Variants in NFIX observed in about 807,000 individuals in gnomAD.
NFIX encodes nuclear factor I X.
A neutral mutation model predicts 53.3 loss-of-function variants in NFIX; 2 were observed. The observed-to-expected ratio is 0.04, with a 90% CI of 0.02 to 0.12. NFIX has a LOEUF of 0.12. NFIX is among the 10% of genes least tolerant of loss of function. The pLI is 1.00. For missense variants in NFIX, 310 were observed against 674.5 expected (o/e 0.46, Z 5.99); for synonymous variants, 244 against 289.0 (o/e 0.84, Z 1.58).
chr19:13,073,435 C>T lies in NFIX; in HGVS notation c.636C>T (p.Phe212=), dbSNP rs1599843617. ...IKPLPNGHLS[F]QDCFVTSGVW... is the part of the protein sequence containing the mutation. ...TCCCCTCTTCAGGGCACTTAAGTTT[C>T]CAGGACTGTTTTGTGACTTCCGGGG... Residue 212 remains phenylalanine, a synonymous_variant, in exon 4 of 11, where the codon TTC becomes TTT. Coordinates refer to ENST00000592199, the MANE Select transcript of NFIX (RefSeq NM_001365902.3). This position sits in a 1 kb window ranked among gnomAD's most constrained non-coding sequence, Gnocchi z 4.5. 3 of 1,613,972 alleles carry T rather than the reference C, an allele frequency of 1.9e-6. No individual in the cohort carries two copies. Among genetic ancestry groups the T allele is most frequent in the Middle Eastern group, 1.6e-4 (1 of 6,062 alleles).
chr19:13,094,950 A>C lies in NFIX; in HGVS notation c.*301A>C. The C allele has an allele frequency of 5.3e-6, 2 of 376,290 alleles. No individual in the cohort carries two copies. The highest frequency in any genetic ancestry group is 4.5e-5 in the East Asian group (1 of 22,200). 23.3% of individuals were successfully genotyped at this position (376,290 alleles called of 1,614,324 possible). The stretch of plus-strand genomic sequence containing the variant: ...AGTAGAGGACAGAAAGCAAGAAAGG[A>C]TGCAGAACTGCCTTCCTCCCCCTGA... On this transcript the variant is annotated 3_prime_UTR_variant, in exon 11 of 11. Coordinates refer to ENST00000592199, the MANE Select transcript of NFIX (RefSeq NM_001365902.3). The surrounding 1 kb of genome is among the most constrained non-coding windows in gnomAD (Gnocchi z 4.3).
rs1026075706 is a variant in NFIX, at chr19:13,088,997, G to T, written c.1402+861G>T. Among the ~76,000 whole-genome samples, 3 of 152,028 alleles carry T rather than the reference G, an allele frequency of 2.0e-5. No homozygotes were observed. The highest frequency in any genetic ancestry group is 7.2e-5 in the African/African-American group (3 of 41,396). Reference sequence around the variant, plus strand: ...GTGGGCCAGGGTGGGCAGCTCTGGGGGTGGGCAGGCCACAGGCCAGGGCAG... The same window carrying T: ...GTGGGCCAGGGTGGGCAGCTCTGGGTGTGGGCAGGCCACAGGCCAGGGCAG... On this transcript the variant is annotated intron_variant, in intron 9 of 10. Coordinates refer to ENST00000592199, the MANE Select transcript of NFIX (RefSeq NM_001365902.3). The surrounding 1 kb of genome is among the most constrained non-coding windows in gnomAD (Gnocchi z 5.9).
In NFIX at chr19:13,088,117, C is replaced by G. The variant is rs1372561622; in HGVS notation, c.1383C>G (p.Ala461=). ...KSTSTAPDGA[A]LTPPSPSFAT... is the part of the protein sequence containing the mutation. ...CCAGCACTGCCCCAGACGGCGCCGC[C>G]TTGACTCCTCCATCACCTTGTAAGT... The change falls in exon 9 of 11, where the codon GCC becomes GCG. Residue 461 remains alanine (A), a synonymous_variant. Coordinates refer to ENST00000592199, the MANE Select transcript of NFIX (RefSeq NM_001365902.3). This position sits in a 1 kb window ranked among gnomAD's most constrained non-coding sequence, Gnocchi z 5.9. 1 of 1,536,528 alleles carries G rather than the reference C, an allele frequency of 6.5e-7. No individual in the cohort carries two copies. Among genetic ancestry groups the G allele is most frequent in the Non-Finnish European group, 8.7e-7 (1 of 1,147,004 alleles).
rs975648106 is a variant in NFIX at position 13,060,783 on chromosome 19, G to A, written c.560-12264G>A. On this transcript the variant is annotated intron_variant, in intron 2 of 10. Transcript: ENST00000592199. The surrounding 1 kb of genome is among the most constrained non-coding windows in gnomAD (Gnocchi z 4.3). The stretch of plus-strand genomic sequence containing the variant: ...GGGATGGGGGGGTCGGCCTCACCTC[G>A]GCTAACCTCCCAGCGGAACAAAGGG... Among the ~76,000 whole-genome samples, 17 of 151,984 alleles carry A rather than the reference G, an allele frequency of 1.1e-4. No homozygotes were observed. In the East Asian group the frequency reaches 2.7e-3, roughly 24 times the overall value.
At chr19:13,038,719 C>G (rs2014389215) in intron 2 of NFIX, among the ~76,000 whole-genome samples, 1 of 152,210 alleles carries the variant, frequency 6.6e-6, no homozygotes, top group Non-Finnish European at 1.5e-5. Flanking sequence ...TGGCCTTGAC[C>G]ACATGCATAG....
At chr19:13,061,322 G>C (rs759326196) in intron 2 of NFIX, among the ~76,000 whole-genome samples, 1 of 152,224 alleles carries the variant, frequency 6.6e-6, no homozygotes, top group Admixed American at 6.5e-5. Context: ...CATATCACGG[G>C]ATGTGTTTGG....
Position 13,001,722 on chromosome 19 carries a change from G to A in NFIX, c.27+5858G>A, listed in dbSNP as rs186012038. ...CACTGTGCCTCCTGAGCTTGTCCCC[G>A]TGACAATCACTGTGGGTCTCACCCC... On this transcript the variant is annotated intron_variant, in intron 1 of 10. Transcript: ENST00000592199. The surrounding 1 kb of genome is among the most constrained non-coding windows in gnomAD (Gnocchi z 6.5). Among the ~76,000 whole-genome samples the A allele has an allele frequency of 1.9e-3, 287 of 152,262 alleles. No homozygotes were observed. Among genetic ancestry groups the A allele is most frequent in the African/African-American group, 6.6e-3 (274 of 41,556 alleles).
chr19:13,024,487 T>G, intron 1 of NFIX: 3 of 1,486,870 alleles, frequency 2.0e-6, no homozygotes, highest in Non-Finnish European at 1.8e-6. Context: ...GGATGTCATT[T>G]TCTGTCTTCT....
In NFIX at chr19:13,073,058, T is replaced by C. The variant is rs769397519; in HGVS notation, c.571T>C (p.Ser191Pro). The C allele has an allele frequency of 1.2e-6, 2 of 1,613,738 alleles. No homozygotes were observed. Residue 191 changes from serine (S) to proline (P), a missense_variant, in exon 3 of 11, where the codon TCA becomes CCA. Coordinates refer to ENST00000592199, the MANE Select transcript of NFIX (RefSeq NM_001365902.3). The surrounding 1 kb of genome is among the most constrained non-coding windows in gnomAD (Gnocchi z 4.5). ...YFVHTPESGQSDSSNQQGDAD... is the reference protein window; with the variant it reads ...YFVHTPESGQPDSSNQQGDAD... ...TGTGTCTCCTGCAGAATCCGGACAA[T>C]CAGATAGTTCAAACCAGCAAGGAGA... is the stretch of plus-strand genomic sequence containing the variant.
At position 13,049,113 on chromosome 19, in the gene NFIX, G is replaced by A. The variant is rs978645655; in HGVS notation, c.559+23561G>A. ...AACAAAACAAAAATTAGCCATGCAC[G>A]GTGGTGGCGTGCATTTGTAATCCTA... On this transcript the variant is annotated intron_variant, in intron 2 of 10. Transcript: ENST00000592199. This position sits in a 1 kb window ranked among gnomAD's most constrained non-coding sequence, Gnocchi z 4.5. 6.6e-6 allele frequency among the ~76,000 whole-genome samples: 1 copy of A among 151,702 alleles called. No homozygotes were observed. The highest frequency in any genetic ancestry group is 1.5e-5 in the Non-Finnish European group (1 of 67,898).
At position 13,036,584 on chromosome 19, in the gene NFIX, G is replaced by A. The variant is rs1296992215; in HGVS notation, c.559+11032G>A. On this transcript the variant is annotated intron_variant, in intron 2 of 10. Transcript: ENST00000592199. The surrounding 1 kb of genome is among the most constrained non-coding windows in gnomAD (Gnocchi z 4.7). ...AGATCCCCGGAGGCGACCTGCAGGAGGCCAGCCGAGTGCAGCCCTTGGGGA... is the reference window on the plus strand; with the variant it reads ...AGATCCCCGGAGGCGACCTGCAGGAAGCCAGCCGAGTGCAGCCCTTGGGGA... Among the ~76,000 whole-genome samples the A allele has an allele frequency of 1.3e-5, 2 of 152,184 alleles. No homozygotes were observed. The highest frequency in any genetic ancestry group is 2.9e-5 in the Non-Finnish European group (2 of 68,024).
Position 13,022,241 on chromosome 19 carries a change from C to G in NFIX, c.28-2780C>G, listed in dbSNP as rs910898082. ...AGGAGGCTATTTTAATAAACTGTTG[C>G]AGTTTCTCGAGCCGAGCTGTGTTGC... On this transcript the variant is annotated intron_variant, in intron 1 of 10. Coordinates refer to ENST00000592199, the MANE Select transcript of NFIX (RefSeq NM_001365902.3). The surrounding 1 kb of genome is among the most constrained non-coding windows in gnomAD (Gnocchi z 4.5). 2.0e-5 allele frequency among the ~76,000 whole-genome samples: 3 copies of G among 152,126 alleles called. No homozygotes were observed. The highest frequency in any genetic ancestry group is 7.2e-5 in the African/African-American group (3 of 41,416).
chr19:13,043,922 C>A lies in NFIX; in HGVS notation c.559+18370C>A, dbSNP rs1258871936. 6.6e-6 allele frequency among the ~76,000 whole-genome samples: 1 copy of A among 151,888 alleles called. No individual in the cohort carries two copies. The highest frequency in any genetic ancestry group is 1.5e-5 in the Non-Finnish European group (1 of 67,976). ...GGAGGATCATTTGAGCCCAGGAGTT[C>A]GAGCCTGGGCCACGTAGCAAGACCC... is the stretch of plus-strand genomic sequence containing the variant. On this transcript the variant is annotated intron_variant, in intron 2 of 10. Coordinates refer to ENST00000592199, the MANE Select transcript of NFIX (RefSeq NM_001365902.3). The surrounding 1 kb of genome is among the most constrained non-coding windows in gnomAD (Gnocchi z 4.0).
Position 13,072,758 on chromosome 19 carries a change from C to A in NFIX, c.560-289C>A, listed in dbSNP as rs1025559887. Among the ~76,000 whole-genome samples the A allele has an allele frequency of 2.0e-5, 3 of 152,186 alleles. No homozygotes were observed. Among genetic ancestry groups the A allele is most frequent in the South Asian group, 2.1e-4 (1 of 4,828 alleles). ...ATCTAGTGGGTGGAGGCCAGGGATG[C>A]TGCTCAGATACCCCACAGTGCACAG... On this transcript the variant is annotated intron_variant, in intron 2 of 10. Coordinates refer to ENST00000592199, the MANE Select transcript of NFIX (RefSeq NM_001365902.3). The surrounding 1 kb of genome is among the most constrained non-coding windows in gnomAD (Gnocchi z 4.0).
chr19:13,010,311 A>ACACCCC (rs2012266821), intron 1 of NFIX, among the ~76,000 whole-genome samples: 1 of 152,140 alleles, frequency 6.6e-6, no homozygotes, highest in Non-Finnish European at 1.5e-5. Flanking sequence ...AAGCACTCGC[A>ACACCCC]CACCCCCTGG....
In NFIX at chr19:13,002,843, CCCA is replaced by C. The variant is rs1221162139; in HGVS notation, c.27+6986_27+6988del. On this transcript the variant is annotated intron_variant, in intron 1 of 10. Coordinates refer to ENST00000592199, the MANE Select transcript of NFIX (RefSeq NM_001365902.3). This position sits in a 1 kb window ranked among gnomAD's most constrained non-coding sequence, Gnocchi z 6.1. The stretch of plus-strand genomic sequence containing the variant: ...GGCCAGCAGTGGGCAGGGGGCAGTG[CCCA>C]CCACCATCGCCAAGGACCCTGCCCC... 2.6e-5 allele frequency among the ~76,000 whole-genome samples: 4 copies of C among 152,122 alleles called. No homozygotes were observed. Among genetic ancestry groups the C allele is most frequent in the Non-Finnish European group, 4.4e-5 (3 of 67,980 alleles).
chr19:13,026,744 C>CTGTGTGTG (rs201026735), intron 2 of NFIX, among the ~76,000 whole-genome samples: 1 of 149,904 alleles, frequency 6.7e-6, no homozygotes, highest in African/African-American at 2.5e-5. Context: ...CTCTCTCTCT[C>CTGTGTGTG]TGTGTGTGTG....
chr19:13,070,602 G>A (rs1431489481), intron 2 of NFIX: 1 of 152,454 alleles, frequency 6.6e-6, no homozygotes, highest in Non-Finnish European at 1.5e-5. Context: ...AGCATGTCAG[G>A]GGCCGGCGGT....
At chr19:13,077,480 C>T (rs755103806) in intron 6 of NFIX, among the ~76,000 whole-genome samples, 3 of 152,196 alleles carry the variant, frequency 2.0e-5, no homozygotes, top group Non-Finnish European at 4.4e-5. Context: ...CTGTGCACAG[C>T]TGGTAGGATG....
Sources: gnomAD v4.1 joint callset for allele counts (sites outside exome capture counted in the v4.1 genomes callset) on GRCh38, gnomAD v4.1.1 for gene constraint, Gnocchi (gnomAD v3.1) non-coding constraint, MANE v1.5 for transcripts, NCBI Gene and HGNC (gene_info 2026-07-23, HGNC 2026-07-21) for gene names.